The following AGGF1 variants were observed in gnomAD, a reference collection of about 807,000 sequenced individuals.
The protein encoded by AGGF1 is angiogenic factor with G-patch and FHA domains 1.
AGGF1 carries 56 observed loss-of-function variants against 86.5 expected under a neutral mutation model. That is an observed-to-expected ratio of 0.65 (90% CI 0.52 to 0.81). The LOEUF is 0.81. AGGF1 is among the 30% of genes least tolerant of loss of function. AGGF1 has a pLI of 0.00. For synonymous variants in AGGF1, 313 were observed against 297.1 expected, an observed-to-expected ratio of 1.05 and a Z score of -0.55; for missense variants, 816 against 850.9, an observed-to-expected ratio of 0.96 and a Z score of 0.51.
intron 4 of AGGF1, among the ~76,000 whole-genome samples, chr5:77,038,443 T>C (rs769412847): frequency 2.0e-5 from 3 of 152,158 alleles, no homozygotes; most frequent in Admixed American, 2.0e-4. Flanking sequence ...GCCATTTTCA[T>C]TGTGCTAATA....
intron 2 of AGGF1, 76 bp from the exon 3 acceptor site, chr5:77,035,465 C>A: frequency 9.3e-7 from 1 of 1,078,388 alleles, no homozygotes; most frequent in African/African-American, 1.6e-5. Context: ...GTTTAAATGC[C>A]AGTGTTTTGT....
chr5:77,051,733 A>G (rs1418094931), intron 8 of AGGF1, among the ~76,000 whole-genome samples: 3 of 152,190 alleles, frequency 2.0e-5, no homozygotes, highest in Non-Finnish European at 4.4e-5. Flanking sequence ...ACACAAATAG[A>G]TTGCAGGTAC....
At chr5:77,042,693 T>C (rs1747131565) in intron 5 of AGGF1, among the ~76,000 whole-genome samples, 1 of 20,528 alleles carries the variant, frequency 4.9e-5, no homozygotes, top group Non-Finnish European at 1.2e-4. Context: ...GCTCCTCACT[T>C]CCCAGTAGGG....
intron 5 of AGGF1, among the ~76,000 whole-genome samples, chr5:77,045,969 T>C (rs1747240215): frequency 6.6e-6 from 1 of 152,238 alleles, no homozygotes; most frequent in Admixed American, 6.5e-5. Flanking sequence ...TACATTTTTA[T>C]TGGACACCAT....
In AGGF1 at chr5:77,063,346, C is replaced by T; in HGVS notation, c.*94C>T. 1 of 1,261,360 alleles carries T rather than the reference C, an allele frequency of 7.9e-7. No homozygotes were observed. Among genetic ancestry groups the T allele is most frequent in the Non-Finnish European group, 1.1e-6 (1 of 893,702 alleles). The allele number at this position is 1,261,360 out of a possible 1,614,324, so 78.1% of individuals were successfully genotyped here. Reference sequence around the variant, plus strand: ...CAAAAGAATCAGCAGCACAGGGGAACTATGTCACAGTTTACCTCTTCCTGA... The same window carrying T: ...CAAAAGAATCAGCAGCACAGGGGAATTATGTCACAGTTTACCTCTTCCTGA... On this transcript the variant is annotated 3_prime_UTR_variant, in exon 14 of 14. Transcript: ENST00000312916.
intron 13 of AGGF1, among the ~76,000 whole-genome samples, chr5:77,062,447 C>T (rs996294311): frequency 6.6e-6 from 1 of 152,146 alleles, no homozygotes; most frequent in Non-Finnish European, 1.5e-5. Flanking sequence ...AGAATATGTG[C>T]TCTATCATTT....
In AGGF1 at chr5:77,065,065, A is replaced by C. The variant is rs1742770742; in HGVS notation, c.*1813A>C. 1.3e-5 allele frequency: 2 copies of C among 152,354 alleles called. No individual in the cohort carries two copies. The highest frequency in any genetic ancestry group is 4.1e-4 in the South Asian group (2 of 4,830). The allele number at this position is 152,354 out of a possible 1,614,324, so 9.4% of individuals were successfully genotyped here. A position where few individuals can be genotyped will look rare whatever the true frequency, so the allele number is the denominator to read the frequency against. On this transcript the variant is annotated 3_prime_UTR_variant, in exon 14 of 14. Coordinates refer to ENST00000312916, the MANE Select transcript of AGGF1 (RefSeq NM_018046.5). Reference sequence around the variant, plus strand: ...TGGGTCTATTTCCATCTGTAAAATAAGAATATTTGTCTCACGTGTCTGTCA... The same window carrying C: ...TGGGTCTATTTCCATCTGTAAAATACGAATATTTGTCTCACGTGTCTGTCA...
chr5:77,054,902 C>A (rs960228847), intron 10 of AGGF1, among the ~76,000 whole-genome samples: 1 of 152,072 alleles, frequency 6.6e-6, no homozygotes, highest in African/African-American at 2.4e-5. Context: ...CTATTGATAG[C>A]TCGTGCTGTA....
intron 4 of AGGF1, among the ~76,000 whole-genome samples, chr5:77,038,631 C>T (rs1315782613): frequency 2.6e-5 from 4 of 152,080 alleles, no homozygotes; most frequent in Non-Finnish European, 4.4e-5. Flanking sequence ...TGTAAGAGAT[C>T]TGCAAAATGC....
At chr5:77,058,977 GC>G (rs1478122807) in intron 11 of AGGF1, among the ~76,000 whole-genome samples, 1 of 152,118 alleles carries the variant, frequency 6.6e-6, no homozygotes, top group Non-Finnish European at 1.5e-5. Flanking sequence ...CTTAAATGGA[GC>G]TTTATTGAAG....
chr5:77,034,651 A>G (rs1746930855), intron 2 of AGGF1, 131 bp downstream of exon 2: 3 of 700,618 alleles, frequency 4.3e-6, no homozygotes, highest in African/African-American at 3.6e-5. Flanking sequence ...ACGTCTCTCC[A>G]TATGATAATG....
intron 13 of AGGF1, among the ~76,000 whole-genome samples, chr5:77,062,096 T>A (rs1747572695): frequency 6.6e-6 from 1 of 152,206 alleles, no homozygotes; most frequent in African/African-American, 2.4e-5. Context: ...TTAATAACTG[T>A]CAGAGCACTC....
intron 1 of AGGF1, among the ~76,000 whole-genome samples, chr5:77,033,117 G>A (rs1746902130): frequency 6.6e-6 from 1 of 152,210 alleles, no homozygotes; most frequent in South Asian, 2.1e-4. Flanking sequence ...ACTTTGAATA[G>A]TGATAACTCC....
In AGGF1 at chr5:77,035,720, G is replaced by T; in HGVS notation, c.493G>T (p.Asp165Tyr). The change falls in exon 3 of 14, where the codon GAC becomes TAC. Residue 165 changes from aspartate (D) to tyrosine (Y), a missense_variant. This residue lies in a region of AGGF1 where 240 missense variants were observed against 234.4 expected (regional missense o/e 1.02). Transcript: ENST00000312916. ...AGAAAATGTTAAATATAGACAAGTG[G>T]ACCATTTTGCCTCAAATTCACAGGT... ...RTENVKYRQV[D>Y]HFASNSQEPA... The T allele has an allele frequency of 1.2e-6, 2 of 1,613,502 alleles. No individual in the cohort carries two copies. The highest frequency in any genetic ancestry group is 1.1e-5 in the South Asian group (1 of 91,034).
chr5:77,036,022 A>T, intron 3 of AGGF1: 1 of 375,352 alleles, frequency 2.7e-6, no homozygotes, highest in Non-Finnish European at 4.9e-6. Context: ...GAACAAAAGA[A>T]CTGTGGACAA....
In AGGF1 at chr5:77,061,854, G is replaced by A. The variant is rs151055287; in HGVS notation, c.1944+52G>A. On this transcript the variant is annotated intron_variant, in intron 13 of 13. Coordinates refer to ENST00000312916, the MANE Select transcript of AGGF1 (RefSeq NM_018046.5). ...TTTATTCCTAGAGCAGACATTTACC[G>A]TGTACATTAATGTGCCAAACGTTGC... 3.6e-3 allele frequency: 5,570 copies of A among 1,535,414 alleles called. 23 individuals carry two copies. Among genetic ancestry groups the A allele is most frequent in the Non-Finnish European group, 4.2e-3 (4,616 of 1,109,258 alleles).
chr5:77,059,185 T>C (rs1271630211), intron 11 of AGGF1, among the ~76,000 whole-genome samples: 1 of 152,220 alleles, frequency 6.6e-6, no homozygotes, highest in African/African-American at 2.4e-5. Context: ...TATGACAAGA[T>C]GAGAACACAG....
chr5:77,049,305 T>A (rs1452390207), intron 8 of AGGF1, among the ~76,000 whole-genome samples: 2 of 152,300 alleles, frequency 1.3e-5, no homozygotes, highest in East Asian at 1.9e-4. Flanking sequence ...CTTTAAAAAA[T>A]GAATCTTACC....
intron 13 of AGGF1, among the ~76,000 whole-genome samples, chr5:77,062,146 T>A (rs543737090): frequency 4.6e-5 from 7 of 152,206 alleles, no homozygotes; most frequent in African/African-American, 1.7e-4. Context: ...AGGTGGATTG[T>A]GTATGAGCTG....
Sources: allele counts gnomAD v4.1 joint callset (sites outside exome capture counted in the v4.1 genomes callset), GRCh38; gene constraint gnomAD v4.1.1; regional missense constraint gnomAD v4.1.1; transcripts MANE v1.5; gene names NCBI Gene and HGNC (gene_info 2026-07-23, HGNC 2026-07-21).